Variants in SYTL3 observed in about 807,000 individuals in gnomAD.
The protein encoded by SYTL3 is synaptotagmin like 3.
A neutral mutation model predicts 82.1 loss-of-function variants in SYTL3; 88 were observed. The ratio of observed to expected loss-of-function variants is 1.07; its 90% CI spans 0.90 to 1.28. The LOEUF (loss-of-function observed/expected upper bound fraction) is 1.28. Ranked by LOEUF, SYTL3 falls within the 50% of genes most tolerant of loss-of-function variation. SYTL3 has a pLI of 0.00. For missense variants in SYTL3, 831 were observed against 757.6 expected (o/e 1.10, Z -1.14); for synonymous variants, 311 against 289.4 (o/e 1.07, Z -0.76).
In SYTL3 at chr6:158,759,476, C is replaced by T. The variant is rs111589464; in HGVS notation, c.1309-1164C>T. 3.9e-3 allele frequency among the ~76,000 whole-genome samples: 590 copies of T among 152,290 alleles called. 2 individuals carry two copies. The highest frequency in any genetic ancestry group is 0.013 in the African/African-American group (551 of 41,568). On this transcript the variant is annotated intron_variant, in intron 14 of 17. Coordinates refer to ENST00000611299, the MANE Select transcript of SYTL3 (RefSeq NM_001242394.2). ...AGTGCTGGCAGGAGCCATGGTGGAC[C>T]GGATGTGTCAAGACCAAACTTGTCC...
chr6:158,760,538 C>T (rs540948385), intron 14 of SYTL3, 102 bp from the exon 15 acceptor site: 7 of 977,102 alleles, frequency 7.2e-6, no homozygotes, highest in African/African-American at 4.8e-5. Context: ...TTGCAGGGGC[C>T]AGGGGGAAGC....
At chr6:158,683,216 T>G (rs919384634) in intron 6 of SYTL3, among the ~76,000 whole-genome samples, 9 of 53,192 alleles carry the variant, frequency 1.7e-4, no homozygotes, top group Non-Finnish European at 2.4e-4. Flanking sequence ...GCCCTATTCC[T>G]TTTTTTTTTT....
intron 12 of SYTL3, among the ~76,000 whole-genome samples, chr6:158,749,530 T>TTTTG (rs1788133375): frequency 7.0e-6 from 1 of 143,310 alleles, no homozygotes; most frequent in South Asian, 2.2e-4. Flanking sequence ...TTTTTTTTTT[T>TTTTG]TTAAGAAATG....
At chr6:158,700,413 G>A (rs776036950) in intron 6 of SYTL3, among the ~76,000 whole-genome samples, 22 of 151,834 alleles carry the variant, frequency 1.4e-4, no homozygotes, top group Admixed American at 1.3e-3. Flanking sequence ...CACCACACCC[G>A]GCGTCACTTA....
chr6:158,760,629 C>T lies in SYTL3; in HGVS notation c.1309-11C>T, dbSNP rs924929232. On this transcript the variant is annotated splice_polypyrimidine_tract_variant and intron_variant, in intron 14 of 17. Coordinates refer to ENST00000611299, the MANE Select transcript of SYTL3 (RefSeq NM_001242394.2). ...GGAATCCTGTCCCTAAGCTCTGCCTCTTGTCCCCAGGCGGAGAAATACGAA... is the reference window on the plus strand; with the variant it reads ...GGAATCCTGTCCCTAAGCTCTGCCTTTTGTCCCCAGGCGGAGAAATACGAA... 6.2e-7 allele frequency: 1 copy of T among 1,611,984 alleles called. No individual in the cohort carries two copies. The highest frequency in any genetic ancestry group is 8.5e-7 in the Non-Finnish European group (1 of 1,178,114).
At chr6:158,725,658 C>CTTTTTTTG (rs147871222) in intron 11 of SYTL3, 21 bp downstream of exon 11, 26 of 1,599,094 alleles carry the variant, frequency 1.6e-5, no homozygotes, top group African/African-American at 2.7e-5. Flanking sequence ...TTCCAATGCT[C>CTTTTTTTG]TTTTTTTGTT....
chr6:158,700,965 A>G (rs1181022895), intron 6 of SYTL3, among the ~76,000 whole-genome samples: 1 of 152,196 alleles, frequency 6.6e-6, no homozygotes, highest in African/African-American at 2.4e-5. Context: ...TCTTCTGGGT[A>G]CCAGGGACAG....
intron 6 of SYTL3, among the ~76,000 whole-genome samples, chr6:158,704,853 G>C (rs1160591737): frequency 1.1e-5 from 1 of 92,478 alleles, no homozygotes; most frequent in African/African-American, 8.6e-5. Flanking sequence ...GGGCAGGAGG[G>C]ACCCAGGGCA....
intron 6 of SYTL3, among the ~76,000 whole-genome samples, chr6:158,700,767 C>T (rs905237588): frequency 6.6e-5 from 10 of 152,166 alleles, no homozygotes; most frequent in Non-Finnish European, 1.0e-4. Context: ...CAGGTGCCCG[C>T]CACCACGGCC....
At chr6:158,708,249 T>C in intron 7 of SYTL3, 73 bp from the exon 8 acceptor site, 2 of 1,263,636 alleles carry the variant, frequency 1.6e-6, no homozygotes, top group Non-Finnish European at 2.3e-6. Flanking sequence ...TAATGGCACA[T>C]TTTGTGTATT....
chr6:158,693,855 CT>C (rs575358067), intron 6 of SYTL3, among the ~76,000 whole-genome samples: 96 of 96,860 alleles, frequency 9.9e-4, no homozygotes, highest in African/African-American at 3.2e-3. Flanking sequence ...TTTTTCTTTT[CT>C]TTTTTTTTTT....
chr6:158,744,705 C>T (rs886269820), intron 11 of SYTL3, among the ~76,000 whole-genome samples: 1 of 152,108 alleles, frequency 6.6e-6, no homozygotes. Context: ...ATCAGTTAGG[C>T]TTGTCTTCCT....
At chr6:158,680,223 G>T (rs996696326) in intron 5 of SYTL3, among the ~76,000 whole-genome samples, 1 of 152,118 alleles carries the variant, frequency 6.6e-6, no homozygotes, top group African/African-American at 2.4e-5. Flanking sequence ...ACTCCCTCTG[G>T]ACTTGCCCTG....
At chr6:158,728,401 A>G (rs1244088646) in intron 11 of SYTL3, among the ~76,000 whole-genome samples, 2 of 152,122 alleles carry the variant, frequency 1.3e-5, no homozygotes, top group Non-Finnish European at 2.9e-5. Flanking sequence ...TTGGTTGGAA[A>G]TCAAATGTCC....
At chr6:158,670,503 C>T (rs317803) in intron 5 of SYTL3, among the ~76,000 whole-genome samples, 32,555 of 152,078 alleles carry the variant, frequency 0.21, 4,359 homozygotes, top group East Asian at 0.68. Flanking sequence ...CATTGCTGGC[C>T]GGGCATGGTG....
intron 6 of SYTL3, among the ~76,000 whole-genome samples, chr6:158,684,202 T>C (rs576027185): frequency 2.0e-5 from 3 of 152,212 alleles, no homozygotes; most frequent in Non-Finnish European, 4.4e-5. Flanking sequence ...TTTATGGCTA[T>C]TGGTGGTGAC....
chr6:158,647,345 C>T (rs906636127), upstream of SYTL3, among the ~76,000 whole-genome samples: 1 of 152,180 alleles, frequency 6.6e-6, no homozygotes, highest in South Asian at 2.1e-4. Context: ...TGCCAGTAAA[C>T]GGATGAGCTG....
At chr6:158,714,169 T>A (rs1215674616) in intron 9 of SYTL3, among the ~76,000 whole-genome samples, 2 of 152,174 alleles carry the variant, frequency 1.3e-5, no homozygotes, top group African/African-American at 4.8e-5. Context: ...CTGGCCAACA[T>A]GGTGAAACCC....
intron 5 of SYTL3, among the ~76,000 whole-genome samples, chr6:158,681,607 G>A (rs995691592): frequency 7.2e-5 from 11 of 152,266 alleles, no homozygotes; most frequent in Non-Finnish European, 1.3e-4. Context: ...GAACCCACGA[G>A]GGGGAGATTG....
Sources: allele counts gnomAD v4.1 joint callset (sites outside exome capture counted in the v4.1 genomes callset), GRCh38; gene constraint gnomAD v4.1.1; transcripts MANE v1.5; gene names NCBI Gene and HGNC (gene_info 2026-07-23, HGNC 2026-07-21).